Variants in CNTN5 observed in about 807,000 individuals in gnomAD.
The protein encoded by CNTN5 is contactin-5.
A neutral mutation model predicts 129.1 loss-of-function variants in CNTN5; 77 were observed. The observed-to-expected ratio is 0.60, with a 90% CI of 0.50 to 0.72. The LOEUF (loss-of-function observed/expected upper bound fraction) is 0.72. Ranked by LOEUF, CNTN5 falls within the 30% of genes least tolerant of loss-of-function variation. CNTN5 has a pLI of 0.00. For synonymous variants in CNTN5, 509 were observed against 465.6 expected (o/e 1.09, Z -1.20); for missense variants, 1,478 against 1,328.8 (o/e 1.11, Z -1.75).
intron 2 of CNTN5, among the ~76,000 whole-genome samples, chr11:99,340,252 T>C (rs1866446984): frequency 6.6e-6 from 1 of 152,116 alleles, no homozygotes; most frequent in Admixed American, 6.5e-5. Context: ...GCGTATTTGA[T>C]ATACTAGCAA....
chr11:99,392,514 G>A lies in CNTN5; in HGVS notation c.-71+67030G>A, dbSNP rs571381828. On this transcript the variant is annotated intron_variant, in intron 2 of 24. Coordinates refer to ENST00000524871, the MANE Select transcript of CNTN5 (RefSeq NM_014361.4). Reference sequence around the variant, plus strand: ...TAACTTTTCATCCAGCCCATCTGATGATATTGACTTTCACTACCATCTGCA... The same window carrying A: ...TAACTTTTCATCCAGCCCATCTGATAATATTGACTTTCACTACCATCTGCA... 3.3e-5 allele frequency among the ~76,000 whole-genome samples: 5 copies of A among 151,938 alleles called. No homozygotes were observed. The South Asian group carries it at 1.0e-3, about 32-fold the overall frequency.
At chr11:99,718,145 A>C (rs1036688110) in intron 3 of CNTN5, among the ~76,000 whole-genome samples, 14 of 151,866 alleles carry the variant, frequency 9.2e-5, no homozygotes, top group African/African-American at 3.1e-4. Context: ...TTCAGGAATT[A>C]TTTATTTCTT....
At chr11:100,278,784 G>A (rs1033025114) in intron 18 of CNTN5, among the ~76,000 whole-genome samples, 1 of 151,786 alleles carries the variant, frequency 6.6e-6, no homozygotes, top group Non-Finnish European at 1.5e-5. Context: ...TTCCAATTTG[G>A]ATGCCTTTTA....
At chr11:99,857,935 A>T (rs1948089999) in intron 6 of CNTN5, among the ~76,000 whole-genome samples, 1 of 152,168 alleles carries the variant, frequency 6.6e-6, no homozygotes, top group Non-Finnish European at 1.5e-5. Context: ...CAAGCAACAA[A>T]ACGTGTTAAG....
At chr11:100,204,597 T>C (rs1298177552) in intron 15 of CNTN5, among the ~76,000 whole-genome samples, 2 of 151,138 alleles carry the variant, frequency 1.3e-5, no homozygotes, top group Non-Finnish European at 3.0e-5. Context: ...CACCTCAGCC[T>C]CCAGTTAAAG....
In CNTN5 at chr11:99,132,165, T is replaced by C. The variant is rs189579877; in HGVS notation, c.-210+110895T>C. ...GACGAAAACCATATGAATATCTCAA[T>C]AGACGCAGGAAAGGCCTTGGATAAA... On this transcript the variant is annotated intron_variant, in intron 1 of 24. Transcript: ENST00000524871. 1.4e-3 allele frequency among the ~76,000 whole-genome samples: 206 copies of C among 151,266 alleles called. 2 individuals carry two copies. The highest frequency in any genetic ancestry group is 1.6e-4 in the Non-Finnish European group (11 of 67,940).
At chr11:99,790,356 C>G (rs1945696200) in intron 3 of CNTN5, among the ~76,000 whole-genome samples, 1 of 151,880 alleles carries the variant, frequency 6.6e-6, no homozygotes, top group Non-Finnish European at 1.5e-5. Context: ...ACCTTAGTGT[C>G]TTTTGCTCCC....
chr11:99,256,433 T>A (rs933138375), intron 1 of CNTN5, among the ~76,000 whole-genome samples: 12 of 152,078 alleles, frequency 7.9e-5, no homozygotes, highest in Admixed American at 6.6e-4. Flanking sequence ...ACTATTACAG[T>A]TGAATTCAGC....
At chr11:100,015,682 C>CTT (rs1940783569) in intron 9 of CNTN5, among the ~76,000 whole-genome samples, 1 of 151,918 alleles carries the variant, frequency 6.6e-6, no homozygotes, top group Admixed American at 6.6e-5. Flanking sequence ...TTATTCTGTA[C>CTT]TTTTTCAAGA....
intron 2 of CNTN5, among the ~76,000 whole-genome samples, chr11:99,480,511 C>T (rs1328392584): frequency 6.6e-6 from 1 of 152,132 alleles, no homozygotes; most frequent in South Asian, 2.1e-4. Flanking sequence ...ACATATGGAA[C>T]AATGGCTGGA....
chr11:99,484,975 C>G (rs1224150622), intron 2 of CNTN5, among the ~76,000 whole-genome samples: 2 of 152,036 alleles, frequency 1.3e-5, no homozygotes, highest in Non-Finnish European at 2.9e-5. Context: ...TTTGTTACAG[C>G]TAGATAGGAG....
At chr11:100,243,955 C>T (rs1949791830) in intron 16 of CNTN5, among the ~76,000 whole-genome samples, 1 of 152,070 alleles carries the variant, frequency 6.6e-6, no homozygotes, top group East Asian at 1.9e-4. Flanking sequence ...TCCCTTTATT[C>T]TGCCAATATT....
intron 17 of CNTN5, among the ~76,000 whole-genome samples, chr11:100,261,029 C>T (rs7947617): frequency 0.16 from 24,169 of 151,978 alleles, 2,917 homozygotes; most frequent in African/African-American, 0.34. Flanking sequence ...CATGACATGA[C>T]TGTATATTTA....
At chr11:99,772,762 T>A (rs1944989241) in intron 3 of CNTN5, among the ~76,000 whole-genome samples, 1 of 152,084 alleles carries the variant, frequency 6.6e-6, no homozygotes, top group Non-Finnish European at 1.5e-5. Context: ...TATAAAAGTT[T>A]AATAATGGTT....
In CNTN5 at chr11:99,328,267, C is replaced by T. The variant is rs562231470; in HGVS notation, c.-71+2783C>T. Among the ~76,000 whole-genome samples, 3 of 152,194 alleles carry T rather than the reference C, an allele frequency of 2.0e-5. No homozygotes were observed. The South Asian group carries it at 6.2e-4, about 32-fold the overall frequency. On this transcript the variant is annotated intron_variant, in intron 2 of 24. Transcript: ENST00000524871. Reference sequence around the variant, plus strand: ...AATAATGAAGGAAGGTGGACGGAGACAGTTTTGAATGAATACTCGAAAGAA... The same window carrying T: ...AATAATGAAGGAAGGTGGACGGAGATAGTTTTGAATGAATACTCGAAAGAA...
intron 2 of CNTN5, among the ~76,000 whole-genome samples, chr11:99,404,827 A>G (rs564824126): frequency 3.3e-5 from 5 of 152,144 alleles, no homozygotes; most frequent in East Asian, 3.9e-4. Context: ...GTACCTTCAG[A>G]TGATTTCTTA....
chr11:99,699,460 T>C (rs1363083316), intron 3 of CNTN5, among the ~76,000 whole-genome samples: 1 of 151,484 alleles, frequency 6.6e-6, no homozygotes, highest in African/African-American at 2.4e-5. Flanking sequence ...CATTGAGGTA[T>C]CATGTAAGAC....
At chr11:100,203,665 A>G (rs921744002) in intron 15 of CNTN5, among the ~76,000 whole-genome samples, 1 of 151,792 alleles carries the variant, frequency 6.6e-6, no homozygotes, top group Non-Finnish European at 1.5e-5. Context: ...TCAAAGTCCT[A>G]TTCCCAGCAC....
chr11:99,287,312 G>A (rs11219206), intron 1 of CNTN5, among the ~76,000 whole-genome samples: 82,567 of 151,848 alleles, frequency 0.54, 22,674 homozygotes, highest in East Asian at 0.74. Context: ...GACCAGAAGA[G>A]GTGAAGATGC....
Sources: allele counts gnomAD v4.1 joint callset (sites outside exome capture counted in the v4.1 genomes callset), GRCh38; gene constraint gnomAD v4.1.1; transcripts MANE v1.5; gene names NCBI Gene and HGNC (gene_info 2026-07-23, HGNC 2026-07-21).